The following ROS1 variants were observed in gnomAD, a reference collection of about 807,000 sequenced individuals.
The protein encoded by ROS1 is ROS proto-oncogene 1, receptor tyrosine kinase.
Under a neutral mutation model 273.5 loss-of-function variants are expected in ROS1, and 263 were observed. The ratio of observed to expected loss-of-function variants is 0.96; its 90% CI spans 0.87 to 1.06. The LOEUF (loss-of-function observed/expected upper bound fraction) is 1.06. Ranked by LOEUF, ROS1 falls within the 50% of genes least tolerant of loss-of-function variation. ROS1 has a pLI of 0.00. For synonymous variants in ROS1, 1,008 were observed against 954.1 expected (o/e 1.06, Z -1.04); for missense variants, 2,833 against 2,751.1 (o/e 1.03, Z -0.67).
In ROS1 at chr6:117,385,840, CTGT is replaced by C. The variant is rs930169657; in HGVS notation, c.2129_2131del (p.Asn710del). On this transcript the variant is annotated inframe_deletion, in exon 16 of 44. Transcript: ENST00000368507. ...GCCTTTCGTGTCACTGTAGTAGAGGCTGTTGTTATACCAATCCATGTCTCAAAA... is the reference window on the plus strand; with the variant it reads ...GCCTTTCGTGTCACTGTAGTAGAGGCTGTTATACCAATCCATGTCTCAAAA... 7.4e-6 allele frequency: 12 copies of C among 1,614,004 alleles called. No individual in the cohort carries two copies. Among genetic ancestry groups the C allele is most frequent in the Non-Finnish European group, 9.3e-6 (11 of 1,180,008 alleles).
chr6:117,296,593 T>C (rs150839806), intron 43 of ROS1, among the ~76,000 whole-genome samples: 35 of 152,160 alleles, frequency 2.3e-4, no homozygotes, highest in African/African-American at 8.4e-4. Context: ...TTGTGAAATA[T>C]AAAAATCAAA....
chr6:117,342,045 C>T (rs889435263), intron 29 of ROS1, among the ~76,000 whole-genome samples: 1 of 152,052 alleles, frequency 6.6e-6, no homozygotes, highest in African/African-American at 2.4e-5. Context: ...GTAAAATTCA[C>T]ATAGAAAAAA....
At chr6:117,414,269 G>T (rs939382764) in intron 4 of ROS1, among the ~76,000 whole-genome samples, 1 of 152,078 alleles carries the variant, frequency 6.6e-6, no homozygotes, top group Non-Finnish European at 1.5e-5. Context: ...TATGCAAATG[G>T]TGAATGTGTG....
intron 16 of ROS1, among the ~76,000 whole-genome samples, chr6:117,384,373 A>G (rs1211124911): frequency 6.6e-6 from 1 of 152,190 alleles, no homozygotes; most frequent in African/African-American, 2.4e-5. Flanking sequence ...AAATCTCTGA[A>G]TTCTACACAA....
At position 117,292,897 on chromosome 6, in the gene ROS1, A is replaced by C. The variant is rs78629158; in HGVS notation, c.6716-4095T>G. Among the ~76,000 whole-genome samples the C allele has an allele frequency of 1.5e-3, 228 of 152,246 alleles. 2 individuals carry two copies. Among genetic ancestry groups the C allele is most frequent in the African/African-American group, 5.2e-3 (216 of 41,542 alleles). On this transcript the variant is annotated intron_variant, in intron 43 of 43. Coordinates refer to ENST00000368507, the MANE Select transcript of ROS1 (RefSeq NM_001378902.1). ...TACACCTGTTACCATTCATTAATTC[A>C]GCTTTCATTACTTTTCATTCCTTAC...
intron 42 of ROS1, among the ~76,000 whole-genome samples, chr6:117,304,265 A>C (rs1774942611): frequency 6.6e-6 from 1 of 152,238 alleles, no homozygotes; most frequent in African/African-American, 2.4e-5. Flanking sequence ...AGCCTTTGAA[A>C]TGAGATATTA....
intron 2 of ROS1, among the ~76,000 whole-genome samples, chr6:117,416,958 C>A (rs1311199206): frequency 2.6e-5 from 4 of 152,252 alleles, no homozygotes; most frequent in South Asian, 4.1e-4. Flanking sequence ...TGCTCAGTCT[C>A]CTTTGCCATC....
intron 41 of ROS1, 87 bp from the exon 42 acceptor site, chr6:117,309,015 C>G (rs1582574725): frequency 7.8e-7 from 1 of 1,282,422 alleles, no homozygotes; most frequent in South Asian, 1.4e-5. Context: ...TTTCCTGGGG[C>G]TAGCAGGGTC....
At chr6:117,424,878 C>T (rs1776024199) in intron 1 of ROS1, among the ~76,000 whole-genome samples, 1 of 152,068 alleles carries the variant, frequency 6.6e-6, no homozygotes, top group African/African-American at 2.4e-5. Context: ...TGCATTTTCT[C>T]TGTCTATAGA....
At chr6:117,388,810 TAATA>T (rs1176367772) in intron 13 of ROS1, among the ~76,000 whole-genome samples, 1 of 152,210 alleles carries the variant, frequency 6.6e-6, no homozygotes, top group African/African-American at 2.4e-5. Context: ...TTAAAAGATA[TAATA>T]AATATTCCCC....
Position 117,386,986 on chromosome 6 carries a change from T to C in ROS1, c.2013A>G (p.Pro671=). 1 of 1,607,750 alleles carries C rather than the reference T, an allele frequency of 6.2e-7. No individual in the cohort carries two copies. The highest frequency in any genetic ancestry group is 8.5e-7 in the Non-Finnish European group (1 of 1,174,894). ...GTTLVPASEP[P]FIMAVKEDGL... ...CATCTTCTTTCACAGCCATGATAAA[T>C]GGTGGTTCACTAGCTGTTTAGTAAA... Residue 671 remains proline (P), a synonymous_variant, in exon 15 of 44, where the codon CCA becomes CCG. Transcript: ENST00000368507.
At chr6:117,421,015 T>C (rs890414004) in intron 1 of ROS1, among the ~76,000 whole-genome samples, 1 of 150,554 alleles carries the variant, frequency 6.6e-6, no homozygotes, top group Non-Finnish European at 1.5e-5. Context: ...TTCATGAAAA[T>C]AGAAGTTTAC....
chr6:117,322,911 G>C (rs1776378193), intron 35 of ROS1, among the ~76,000 whole-genome samples: 1 of 152,176 alleles, frequency 6.6e-6, no homozygotes, highest in East Asian at 1.9e-4. Flanking sequence ...ACAATAGGTT[G>C]TCTGAAATTA....
At chr6:117,336,516 T>A (rs1018249714) in intron 32 of ROS1, among the ~76,000 whole-genome samples, 1 of 152,198 alleles carries the variant, frequency 6.6e-6, no homozygotes, top group Admixed American at 6.5e-5. Context: ...TTCCTTTTTA[T>A]GGCTGCATAG....
At chr6:117,385,251 AC>A (rs939637695) in intron 16 of ROS1, among the ~76,000 whole-genome samples, 3 of 152,172 alleles carry the variant, frequency 2.0e-5, no homozygotes, top group Non-Finnish European at 4.4e-5. Context: ...TTACAAAAAA[AC>A]ATATTTTAAA....
intron 27 of ROS1, among the ~76,000 whole-genome samples, chr6:117,350,971 C>T (rs1424551144): frequency 6.6e-6 from 1 of 152,064 alleles, no homozygotes; most frequent in Non-Finnish European, 1.5e-5. Context: ...TTCTAACATC[C>T]CTGCCATATT....
At chr6:117,345,576 AT>A (rs1304398941) in intron 27 of ROS1, among the ~76,000 whole-genome samples, 1 of 152,198 alleles carries the variant, frequency 6.6e-6, no homozygotes, top group Admixed American at 6.6e-5. Context: ...ATCCTTATGA[AT>A]TCATATTAGC....
At chr6:117,398,548 G>C (rs376260590) in intron 7 of ROS1, among the ~76,000 whole-genome samples, 4 of 149,772 alleles carry the variant, frequency 2.7e-5, no homozygotes, top group Non-Finnish European at 5.9e-5. Context: ...GCATGGTGGC[G>C]CATGCCTGTA....
chr6:117,300,014 C>T (rs1258067656), intron 43 of ROS1, among the ~76,000 whole-genome samples: 1 of 145,130 alleles, frequency 6.9e-6, no homozygotes, highest in Non-Finnish European at 1.5e-5. Flanking sequence ...GCTCCACCTC[C>T]CGGGTTCATG....
Sources: allele counts gnomAD v4.1 joint callset (sites outside exome capture counted in the v4.1 genomes callset), GRCh38; gene constraint gnomAD v4.1.1; transcripts MANE v1.5; gene names NCBI Gene and HGNC (gene_info 2026-07-23, HGNC 2026-07-21).